CEACAM1: variants seen among roughly 807,000 people sequenced by gnomAD.
The protein encoded by CEACAM1 is CEA cell adhesion molecule 1.
CEACAM1 carries 31 observed loss-of-function variants against 49.1 expected under a neutral mutation model. That is an observed-to-expected ratio of 0.63 (90% CI 0.47 to 0.85). The LOEUF is 0.85. CEACAM1 is among the 40% of genes least tolerant of loss of function. The probability of loss-of-function intolerance (pLI) is 0.00; values close to 1 mark genes in which losing one functional copy is unlikely to be tolerated. For synonymous variants in CEACAM1, 244 were observed against 247.8 expected (o/e 0.98, Z 0.14); for missense variants, 570 against 645.3 (o/e 0.88, Z 1.26).
Position 42,510,892 on chromosome 19 carries a change from G to A in CEACAM1, c.1458C>T (p.Asn486=), listed in dbSNP as rs1373619771. Reference sequence around the variant, plus strand: ...CATGAAAACCGGCTATGCTTACCTTGTTAGGTGGGTCATTGGAGTGGTCCT... The same window carrying A: ...CATGAAAACCGGCTATGCTTACCTTATTAGGTGGGTCATTGGAGTGGTCCT... ...HTQDHSNDPP[N]KMNEVTYSTL... is the part of the protein sequence containing the mutation. The change falls in exon 8 of 9, where the codon AAC becomes AAT. Residue 486 remains asparagine (N), a synonymous_variant. Coordinates refer to ENST00000161559, the MANE Select transcript of CEACAM1 (RefSeq NM_001712.5). 5.6e-6 allele frequency: 9 copies of A among 1,613,652 alleles called. No individual in the cohort carries two copies. Among genetic ancestry groups the A allele is most frequent in the Non-Finnish European group, 6.8e-6 (8 of 1,179,526 alleles).
At position 42,507,460 on chromosome 19, in the gene CEACAM1, G is replaced by T. The variant is rs14774; in HGVS notation, c.*1649C>A. 3 of 152,208 alleles carry T rather than the reference G, an allele frequency of 2.0e-5. No homozygotes were observed. The highest frequency in any genetic ancestry group is 4.4e-5 in the Non-Finnish European group (3 of 68,042). 9.4% of individuals were successfully genotyped at this position (152,208 alleles called of 1,614,324 possible). A position where few individuals can be genotyped will look rare whatever the true frequency, so the allele number is the denominator to read the frequency against. On this transcript the variant is annotated 3_prime_UTR_variant, in exon 9 of 9. Transcript: ENST00000161559. The stretch of plus-strand genomic sequence containing the variant: ...GTGTCAGGGTTAGAAAACCCTGAAA[G>T]AGGTACCTGAGTATAGAGAACTCCA...
intron 5 of CEACAM1, among the ~76,000 whole-genome samples, chr19:42,517,623 T>C (rs764835210): frequency 3.3e-5 from 5 of 152,214 alleles, no homozygotes; most frequent in South Asian, 2.1e-4. Context: ...TCCAATGATA[T>C]ACCACCTTAT....
At chr19:42,526,890 C>G in intron 2 of CEACAM1, 151 bp downstream of exon 2, 1 of 1,267,844 alleles carries the variant, frequency 7.9e-7, no homozygotes, top group Non-Finnish European at 1.1e-6. Context: ...ATTTTGATGT[C>G]TGTCCCATAG....
chr19:42,514,442 T>TA (rs1200109411), intron 5 of CEACAM1, among the ~76,000 whole-genome samples: 8 of 151,548 alleles, frequency 5.3e-5, no homozygotes, highest in Non-Finnish European at 7.4e-5. Context: ...CCTGGCTAAT[T>TA]AAAAAAAAAT....
At chr19:42,526,398 G>A (rs2041891841) in intron 2 of CEACAM1, among the ~76,000 whole-genome samples, 1 of 152,170 alleles carries the variant, frequency 6.6e-6, no homozygotes, top group Non-Finnish European at 1.5e-5. Context: ...AAGCCCCCAG[G>A]GCAGTTGGCT....
chr19:42,509,632 G>GTT (rs775431561), intron 8 of CEACAM1, among the ~76,000 whole-genome samples: 5 of 145,296 alleles, frequency 3.4e-5, no homozygotes, highest in Non-Finnish European at 4.6e-5. Flanking sequence ...GACTGGTAGA[G>GTT]TTTTTTTTTT....
At chr19:42,522,237 G>A in intron 2 of CEACAM1, 35 bp from the exon 3 acceptor site, 1 of 1,611,830 alleles carries the variant, frequency 6.2e-7, no homozygotes, top group Middle Eastern at 1.7e-4. Context: ...TGCCCTGTGT[G>A]GCACCTTTGA....
chr19:42,514,085 A>G (rs1398669517), intron 5 of CEACAM1, among the ~76,000 whole-genome samples: 1 of 144,240 alleles, frequency 6.9e-6, no homozygotes, highest in Non-Finnish European at 1.5e-5. Context: ...TCTCCTCAGT[A>G]GCTGAGACTA....
Position 42,508,950 on chromosome 19 carries a change from C to A in CEACAM1, c.*159G>T. 1.4e-6 allele frequency: 1 copy of A among 696,616 alleles called. No individual in the cohort carries two copies. Among genetic ancestry groups the A allele is most frequent in the East Asian group, 3.0e-5 (1 of 33,842 alleles). 43.2% of individuals were successfully genotyped at this position (696,616 alleles called of 1,614,324 possible). A position where few individuals can be genotyped will look rare whatever the true frequency, so the allele number is the denominator to read the frequency against. On this transcript the variant is annotated 3_prime_UTR_variant, in exon 9 of 9. Transcript: ENST00000161559. ...TCATCTATTGACACTGAGAGAGGGG[C>A]AGTGACCAGGCAGCCTGGAGATGCC...
intron 5 of CEACAM1, among the ~76,000 whole-genome samples, chr19:42,517,571 A>G (rs1486879793): frequency 6.6e-6 from 1 of 152,270 alleles, no homozygotes; most frequent in Non-Finnish European, 1.5e-5. Flanking sequence ...ACATGAAAAG[A>G]TGCTAAATAT....
At chr19:42,524,628 G>A (rs561273559) in intron 2 of CEACAM1, among the ~76,000 whole-genome samples, 92 of 152,338 alleles carry the variant, frequency 6.0e-4, no homozygotes, top group Middle Eastern at 6.8e-3. Flanking sequence ...AAGGGAACAG[G>A]ACAGTCAACC....
intron 5 of CEACAM1, among the ~76,000 whole-genome samples, chr19:42,512,945 C>T (rs1600215379): frequency 6.6e-6 from 1 of 152,158 alleles, no homozygotes; most frequent in African/African-American, 2.4e-5. Flanking sequence ...GGATTATAGG[C>T]GTGAGCCACT....
chr19:42,524,247 T>C (rs748563791), intron 2 of CEACAM1, among the ~76,000 whole-genome samples: 4 of 152,026 alleles, frequency 2.6e-5, no homozygotes, highest in Non-Finnish European at 5.9e-5. Flanking sequence ...CAGGTGTAGG[T>C]GGAATGGGCA....
intron 3 of CEACAM1, among the ~76,000 whole-genome samples, 184 bp from the exon 4 acceptor site, chr19:42,521,705 G>T (rs904770720): frequency 6.6e-6 from 1 of 152,174 alleles, no homozygotes; most frequent in African/African-American, 2.4e-5. Context: ...ACAGGCTGTG[G>T]ACCCTGAGCC....
intron 5 of CEACAM1, among the ~76,000 whole-genome samples, chr19:42,518,305 T>C (rs1330624130): frequency 6.6e-6 from 1 of 151,822 alleles, no homozygotes; most frequent in Non-Finnish European, 1.5e-5. Context: ...TCCCAGCTAC[T>C]CTGGAGGCTG....
chr19:42,521,958 C>T lies in CEACAM1; in HGVS notation c.669G>A (p.Ala223=), dbSNP rs143281867. 4.6e-4 allele frequency: 736 copies of T among 1,614,226 alleles called. 1 individual carries two copies. Among genetic ancestry groups the T allele is most frequent in the Non-Finnish European group, 5.4e-4 (642 of 1,180,042 alleles). The change falls in exon 3 of 9, where the codon GCG becomes GCA. Residue 223 remains alanine, a synonymous_variant. Transcript: ENST00000161559. ...YECEIQNPVS[A]NRSDPVTLNV... Reference sequence around the variant, plus strand: ...TCAAGGTGACTGGGTCACTGCGGTTCGCACTCACTGGGTTCTGTATTTCAC... The same window carrying T: ...TCAAGGTGACTGGGTCACTGCGGTTTGCACTCACTGGGTTCTGTATTTCAC...
intron 5 of CEACAM1, among the ~76,000 whole-genome samples, chr19:42,513,703 G>A (rs1198020282): frequency 2.0e-5 from 3 of 147,256 alleles, no homozygotes; most frequent in African/African-American, 7.6e-5. Context: ...TCTCACTCTC[G>A]CCTTACTTTC....
At chr19:42,515,067 G>A (rs1175771703) in intron 5 of CEACAM1, 3 of 671,394 alleles carry the variant, frequency 4.5e-6, no homozygotes, top group African/African-American at 1.8e-5. Flanking sequence ...CCAGGAGTTC[G>A]AGTCCAGCCT....
rs184689347 is a variant in CEACAM1 at position 42,508,184 on chromosome 19, T to C, written c.*925A>G. ...AGTTACAAAAATTAAAATGGTGGAA[T>C]GTCTCAGAGAAAAGGAGAAAAATCC... On this transcript the variant is annotated 3_prime_UTR_variant, in exon 9 of 9. Coordinates refer to ENST00000161559, the MANE Select transcript of CEACAM1 (RefSeq NM_001712.5). 22 of 152,322 alleles carry C rather than the reference T, an allele frequency of 1.4e-4. No homozygotes were observed. The highest frequency in any genetic ancestry group is 4.8e-4 in the African/African-American group (20 of 41,572). The allele number at this position is 152,322 out of a possible 1,614,324, so 9.4% of individuals were successfully genotyped here.
Sources: allele counts gnomAD v4.1 joint callset (sites outside exome capture counted in the v4.1 genomes callset), GRCh38; gene constraint gnomAD v4.1.1; transcripts MANE v1.5; gene names NCBI Gene and HGNC (gene_info 2026-07-23, HGNC 2026-07-21).